MIB1: variants seen among roughly 807,000 people sequenced by gnomAD.
MIB1 encodes MIB E3 ubiquitin protein ligase 1, also known as E3 ubiquitin-protein ligase MIB1.
A neutral mutation model predicts 124.5 loss-of-function variants in MIB1; 278 were observed. That is an observed-to-expected ratio of 2.23 (90% CI 2.02 to 2.47). The LOEUF is 2.47. Ranked by LOEUF, MIB1 falls within the 30% of genes most tolerant of loss-of-function variation. The pLI is 0.00. For synonymous variants in MIB1, 446 were observed against 429.4 expected (o/e 1.04, Z -0.48); for missense variants, 957 against 1,254.4 (o/e 0.76, Z 3.58).
At chr18:21,742,200 T>G (rs1207710439) in intron 1 of MIB1, among the ~76,000 whole-genome samples, 7 of 151,826 alleles carry the variant, frequency 4.6e-5, no homozygotes, top group Admixed American at 3.9e-4. Context: ...GAAGGGAGGC[T>G]TGCTTTGCCA....
Position 21,857,131 on chromosome 18 carries a change from CTG to C in MIB1, c.2670_2671del (p.Ala891Ter), listed in dbSNP as rs750605234. 16 of 1,610,434 alleles carry C rather than the reference CTG, an allele frequency of 9.9e-6. No individual in the cohort carries two copies. The highest frequency in any genetic ancestry group is 3.3e-5 in the Admixed American group (2 of 59,976). ...AGTGTCTGTGTTACCGTTTTCCAGACTGTGCTAACCTGATGAAAAAGTGTGTG... is the reference window on the plus strand; with the variant it reads ...AGTGTCTGTGTTACCGTTTTCCAGACTGCTAACCTGATGAAAAAGTGTGTG... ...PCGHMCACEN[C>X]ANLMKKCVQC... is the part of the protein sequence containing the mutation. On this transcript the variant is annotated frameshift_variant and splice_region_variant, in exon 19 of 21. Coordinates refer to ENST00000261537, the MANE Select transcript of MIB1 (RefSeq NM_020774.4). LOFTEE classifies it high-confidence loss of function.
chr18:21,812,139 C>G (rs1391820785), intron 10 of MIB1, among the ~76,000 whole-genome samples: 1 of 152,010 alleles, frequency 6.6e-6, no homozygotes, highest in Non-Finnish European at 1.5e-5. Context: ...AGAAGTGATG[C>G]CTGAGCTGAG....
intron 4 of MIB1, among the ~76,000 whole-genome samples, chr18:21,774,170 T>C (rs1211298092): frequency 1.3e-5 from 2 of 152,224 alleles, no homozygotes; most frequent in East Asian, 3.8e-4. Flanking sequence ...TTTTTTAAAG[T>C]ATAGTGTTGA....
At chr18:21,731,733 C>CAAAAAA (rs1229088832) in intron 1 of MIB1, among the ~76,000 whole-genome samples, 1 of 35,894 alleles carries the variant, frequency 2.8e-5, no homozygotes, top group African/African-American at 1.1e-4. Flanking sequence ...CCCCGTCTCA[C>CAAAAAA]AAAAAAAAAA....
intron 6 of MIB1, among the ~76,000 whole-genome samples, chr18:21,782,954 C>T (rs2041387304): frequency 6.6e-6 from 1 of 152,074 alleles, no homozygotes; most frequent in Non-Finnish European, 1.5e-5. Flanking sequence ...TTTGGTTGCT[C>T]CAGTGTTGAG....
At chr18:21,759,222 T>G (rs1423524331) in intron 1 of MIB1, among the ~76,000 whole-genome samples, 1 of 150,252 alleles carries the variant, frequency 6.7e-6, no homozygotes, top group Non-Finnish European at 1.5e-5. Flanking sequence ...TGTGTGTATA[T>G]ATATGTGTAT....
At chr18:21,804,306 T>A (rs1202125789) in intron 10 of MIB1, among the ~76,000 whole-genome samples, 1 of 152,240 alleles carries the variant, frequency 6.6e-6, no homozygotes, top group Non-Finnish European at 1.5e-5. Flanking sequence ...AGAATCATAC[T>A]AGGGAAATTG....
At chr18:21,803,554 C>T (rs2041672373) in intron 9 of MIB1, among the ~76,000 whole-genome samples, 1 of 152,118 alleles carries the variant, frequency 6.6e-6, no homozygotes, top group African/African-American at 2.4e-5. Flanking sequence ...CTTTTCACTT[C>T]AGTGCTTTTT....
intron 12 of MIB1, among the ~76,000 whole-genome samples, chr18:21,832,047 G>A (rs1443028806): frequency 3.9e-5 from 6 of 152,118 alleles, no homozygotes. Flanking sequence ...AGAAATGGTA[G>A]GTAAGACCTG....
intron 6 of MIB1, among the ~76,000 whole-genome samples, chr18:21,789,402 A>G (rs984300412): frequency 3.3e-5 from 5 of 152,072 alleles, no homozygotes; most frequent in Middle Eastern, 3.2e-3. Context: ...TTACATATGT[A>G]AAGTCCCTGT....
At chr18:21,739,026 A>G (rs191461417), upstream of MIB1, among the ~76,000 whole-genome samples, 10 of 152,024 alleles carry the variant, frequency 6.6e-5, no homozygotes, top group Admixed American at 3.3e-4. Flanking sequence ...GATCAACTAC[A>G]TAGATAGACC....
intron 1 of MIB1, among the ~76,000 whole-genome samples, chr18:21,732,475 C>T (rs935666952): frequency 2.0e-5 from 3 of 151,684 alleles, no homozygotes; most frequent in Non-Finnish European, 2.9e-5. Flanking sequence ...AGGCTTACTG[C>T]AACCTCCATC....
upstream of MIB1, among the ~76,000 whole-genome samples, chr18:21,737,098 G>A (rs1203759303): frequency 2.0e-5 from 3 of 152,146 alleles, no homozygotes; most frequent in Non-Finnish European, 4.4e-5. Context: ...AGGAAAAAAT[G>A]TTAAGGGCAG....
At chr18:21,822,960 G>A (rs770812837) in intron 12 of MIB1, among the ~76,000 whole-genome samples, 3 of 151,978 alleles carry the variant, frequency 2.0e-5, no homozygotes, top group Admixed American at 6.6e-5. Flanking sequence ...TAGGCTGGGC[G>A]TGGTGGCTCA....
chr18:21,761,260 A>G (rs1478529849), intron 1 of MIB1, among the ~76,000 whole-genome samples: 2 of 151,124 alleles, frequency 1.3e-5, no homozygotes, highest in Non-Finnish European at 2.9e-5. Flanking sequence ...TGTGAAACCC[A>G]TAAACAAAAA....
chr18:21,763,877 T>C (rs1309645032), intron 1 of MIB1, among the ~76,000 whole-genome samples: 1 of 152,188 alleles, frequency 6.6e-6, no homozygotes, highest in Non-Finnish European at 1.5e-5. Flanking sequence ...CTAGCCACTT[T>C]TACTTTTTTC....
intron 7 of MIB1, among the ~76,000 whole-genome samples, chr18:21,792,273 GCCTGTCCCTCCATT>G (rs1403733956): frequency 2.0e-5 from 3 of 151,896 alleles, no homozygotes; most frequent in Non-Finnish European, 4.4e-5. Context: ...TTCCTGTCCT[GCCTGTCCCTCCATT>G]CCAGTCCCAT....
chr18:21,722,349 C>T (rs749200994), intron 1 of MIB1, among the ~76,000 whole-genome samples: 14 of 143,508 alleles, frequency 9.8e-5, no homozygotes, highest in Non-Finnish European at 1.7e-4. Flanking sequence ...CCACCACGCC[C>T]GGCCCAGTCT....
At chr18:21,706,468 T>C (rs1192627591) in intron 1 of MIB1, among the ~76,000 whole-genome samples, 7 of 152,182 alleles carry the variant, frequency 4.6e-5, no homozygotes, top group Non-Finnish European at 8.8e-5. Context: ...CTCTCTGGGC[T>C]GGCTGAGGCC....
Sources: allele counts gnomAD v4.1 joint callset (sites outside exome capture counted in the v4.1 genomes callset), GRCh38; gene constraint gnomAD v4.1.1; transcripts MANE v1.5; gene names NCBI Gene and HGNC (gene_info 2026-07-23, HGNC 2026-07-21).